RBFOX1: variants seen among roughly 807,000 people sequenced by gnomAD.
The protein encoded by RBFOX1 is RNA binding protein fox-1 homolog 1.
Under a neutral mutation model 57.7 loss-of-function variants are expected in RBFOX1, and 8 were observed. That is an observed-to-expected ratio of 0.14 (90% CI 0.08 to 0.25). RBFOX1 has a LOEUF of 0.25. RBFOX1 is among the 10% of genes least tolerant of loss of function. RBFOX1 has a pLI of 1.00. For synonymous variants in RBFOX1, 326 were observed against 222.4 expected, an observed-to-expected ratio of 1.47 and a Z score of -4.15; for missense variants, 611 against 548.5, an observed-to-expected ratio of 1.11 and a Z score of -1.14.
At chr16:6,336,565 A>T (rs1219615532) in intron 2 of RBFOX1, among the ~76,000 whole-genome samples, 1 of 152,114 alleles carries the variant, frequency 6.6e-6, no homozygotes, top group East Asian at 1.9e-4. Context: ...AGAGGGCTGG[A>T]TGTTGATTCT....
At chr16:6,957,856 G>T (rs576429876) in intron 3 of RBFOX1, among the ~76,000 whole-genome samples, 4 of 152,252 alleles carry the variant, frequency 2.6e-5, no homozygotes, top group East Asian at 1.9e-4. Flanking sequence ...CTTCCTCCTA[G>T]CGTGACAGTT....
At chr16:5,377,652 G>A (rs2066021289) in intron 1 of RBFOX1, among the ~76,000 whole-genome samples, 1 of 151,156 alleles carries the variant, frequency 6.6e-6, no homozygotes, top group African/African-American at 2.5e-5. Flanking sequence ...ATGAGAGAAG[G>A]CGGAGGCAGA....
chr16:7,064,692 C>T (rs2055503769), intron 4 of RBFOX1, among the ~76,000 whole-genome samples: 1 of 152,086 alleles, frequency 6.6e-6, no homozygotes. Context: ...TACGGTAGCC[C>T]TAGCAAACGC....
chr16:6,308,280 T>C (rs1448074179), intron 1 of RBFOX1, among the ~76,000 whole-genome samples: 1 of 152,206 alleles, frequency 6.6e-6, no homozygotes, highest in East Asian at 1.9e-4. Flanking sequence ...TTTATTTGGA[T>C]TGTGATTATT....
intron 2 of RBFOX1, among the ~76,000 whole-genome samples, chr16:6,645,256 A>G (rs533122429): frequency 2.0e-5 from 3 of 152,046 alleles, no homozygotes; most frequent in African/African-American, 7.2e-5. Flanking sequence ...GTCTGCACAG[A>G]CTCCATTTGC....
intron 2 of RBFOX1, among the ~76,000 whole-genome samples, chr16:6,619,085 C>T (rs2098186491): frequency 6.6e-6 from 1 of 151,930 alleles, no homozygotes. Context: ...GTCAAGGTTG[C>T]ATACCAATTA....
At chr16:5,981,587 G>C (rs762106762) in intron 4 of RBFOX1, among the ~76,000 whole-genome samples, 1 of 152,092 alleles carries the variant, frequency 6.6e-6, no homozygotes, top group South Asian at 2.1e-4. Flanking sequence ...TCCTGCTTCA[G>C]CCTCATGAGT....
At chr16:7,567,255 A>ATATATCCCTATATATACC (rs1172620285) in intron 5 of RBFOX1, among the ~76,000 whole-genome samples, 1 of 84,268 alleles carries the variant, frequency 1.2e-5, no homozygotes, top group African/African-American at 4.6e-5. Flanking sequence ...ATATCCCTAT[A>ATATATCCCTATATATACC]TATATATATC....
chr16:7,105,857 A>T (rs946774620), intron 4 of RBFOX1, among the ~76,000 whole-genome samples: 12 of 152,168 alleles, frequency 7.9e-5, no homozygotes, highest in African/African-American at 2.9e-4. Context: ...GCGTTGGAGG[A>T]ACCATCTGAT....
chr16:6,854,637 C>T (rs973600524), intron 3 of RBFOX1, among the ~76,000 whole-genome samples: 48 of 133,610 alleles, frequency 3.6e-4, no homozygotes, highest in Middle Eastern at 4.3e-3. Flanking sequence ...CTGTTTTGCC[C>T]AGGCTGGAGT....
At chr16:5,834,775 A>G (rs1008997954) in intron 3 of RBFOX1, among the ~76,000 whole-genome samples, 1 of 130,860 alleles carries the variant, frequency 7.6e-6, no homozygotes, top group Non-Finnish European at 1.6e-5. Flanking sequence ...ACATGCACAG[A>G]TGATAGATAG....
intron 3 of RBFOX1, among the ~76,000 whole-genome samples, chr16:6,950,596 T>G (rs2080518632): frequency 6.6e-6 from 1 of 152,164 alleles, no homozygotes; most frequent in Admixed American, 6.5e-5. Flanking sequence ...ATTAAGATAA[T>G]ACAATATATA....
chr16:5,555,045 A>G (rs139320823), intron 2 of RBFOX1, among the ~76,000 whole-genome samples: 138 of 152,202 alleles, frequency 9.1e-4, no homozygotes, highest in African/African-American at 3.1e-3. Context: ...CCCAGAAGAG[A>G]GAAGTTTTCT....
chr16:7,216,894 A>G (rs1159784613), intron 4 of RBFOX1, among the ~76,000 whole-genome samples: 3 of 152,096 alleles, frequency 2.0e-5, no homozygotes, highest in Non-Finnish European at 4.4e-5. Flanking sequence ...TGTTGTAATC[A>G]TTACTTTCCC....
chr16:6,848,945 T>C (rs1016858228), intron 3 of RBFOX1, among the ~76,000 whole-genome samples: 35 of 152,246 alleles, frequency 2.3e-4, no homozygotes, highest in African/African-American at 8.2e-4. Flanking sequence ...CCTGGGTAAT[T>C]CTACCTTGCT....
At chr16:6,648,153 C>G (rs1250104750) in intron 2 of RBFOX1, among the ~76,000 whole-genome samples, 1 of 151,686 alleles carries the variant, frequency 6.6e-6, no homozygotes, top group Admixed American at 6.6e-5. Flanking sequence ...TCAAGTGATC[C>G]TTCCATTTCA....
chr16:6,713,394 G>C (rs1316774752), intron 3 of RBFOX1, among the ~76,000 whole-genome samples: 1 of 152,016 alleles, frequency 6.6e-6, no homozygotes, highest in Non-Finnish European at 1.5e-5. Context: ...TTCTGTTTAA[G>C]CTCTAATCTC....
intron 3 of RBFOX1, among the ~76,000 whole-genome samples, chr16:7,014,369 C>T (rs528631934): frequency 1.5e-4 from 22 of 151,658 alleles, no homozygotes; most frequent in Non-Finnish European, 2.1e-4. Context: ...TGCATCACCA[C>T]GCCTGGCTTT....
chr16:5,783,105 A>G (rs1324640892), intron 3 of RBFOX1, among the ~76,000 whole-genome samples: 1 of 152,226 alleles, frequency 6.6e-6, no homozygotes, highest in African/African-American at 2.4e-5. Flanking sequence ...GACAGATAAG[A>G]TTAACTGTCA....
Sources: allele counts gnomAD v4.1 joint callset (sites outside exome capture counted in the v4.1 genomes callset), GRCh38; gene constraint gnomAD v4.1.1; transcripts MANE v1.5; gene names NCBI Gene and HGNC (gene_info 2026-07-23, HGNC 2026-07-21).